The following ADGB variants were observed in gnomAD, a reference collection of about 807,000 sequenced individuals.
ADGB encodes calpain-7-like protein.
Under a neutral mutation model 210.5 loss-of-function variants are expected in ADGB, and 172 were observed. That is an observed-to-expected ratio of 0.82 (90% confidence interval 0.72 to 0.93). ADGB has a LOEUF of 0.93. ADGB is among the 40% of genes least tolerant of loss of function. The probability of loss-of-function intolerance (pLI) is 0.00; values close to 1 mark genes in which losing one functional copy is unlikely to be tolerated. For synonymous variants in ADGB, 658 were observed against 662.7 expected, an observed-to-expected ratio of 0.99 and a Z score of 0.11; for missense variants, 2,025 against 1,964.8, an observed-to-expected ratio of 1.03 and a Z score of -0.58.
chr6:146,774,806 A>T (rs879454834), intron 29 of ADGB, among the ~76,000 whole-genome samples: 1 of 152,146 alleles, frequency 6.6e-6, no homozygotes, highest in East Asian at 1.9e-4. Flanking sequence ...AAATTCAGTT[A>T]CTAATGTCTT....
At chr6:146,665,351 C>T (rs981036147) in intron 6 of ADGB, among the ~76,000 whole-genome samples, 6 of 152,072 alleles carry the variant, frequency 3.9e-5, no homozygotes, top group African/African-American at 1.4e-4. Context: ...CCTTACCAGC[C>T]CTCAGTTTTC....
chr6:146,739,364 T>C (rs1777129506), intron 23 of ADGB, among the ~76,000 whole-genome samples: 1 of 152,190 alleles, frequency 6.6e-6, no homozygotes, highest in African/African-American at 2.4e-5. Context: ...CTGTTAATAA[T>C]TAGGCCTGTA....
chr6:146,623,214 TA>T (rs917149536), intron 1 of ADGB, among the ~76,000 whole-genome samples: 89 of 151,952 alleles, frequency 5.9e-4, no homozygotes, highest in Non-Finnish European at 2.9e-4. Flanking sequence ...TTCTTTATAT[TA>T]AAAAAGCCTG....
Position 146,654,146 on chromosome 6 carries a change from T to C in ADGB, c.342T>C (p.Val114=). ...TATATTTTTTTCAGACTCCAGTAGT[T>C]GTGAAAAATGAAATCACGTTTGACT... The part of the protein sequence containing the change: ...QDILFSQTPV[V]VKNEITFDLF... Residue 114 remains valine (V), a synonymous_variant, in exon 4 of 36, where the codon GTT becomes GTC. Transcript: ENST00000397944. The C allele has an allele frequency of 6.5e-7, 1 of 1,537,454 alleles. No homozygotes were observed. The highest frequency in any genetic ancestry group is 8.8e-7 in the Non-Finnish European group (1 of 1,136,152).
intron 10 of ADGB, among the ~76,000 whole-genome samples, chr6:146,689,947 G>C (rs1386175281): frequency 1.3e-5 from 2 of 151,918 alleles, no homozygotes; most frequent in Non-Finnish European, 2.9e-5. Flanking sequence ...TATACCAAAG[G>C]GATAAAAAGA....
At chr6:146,680,915 T>C (rs1306271703) in intron 9 of ADGB, among the ~76,000 whole-genome samples, 1 of 152,114 alleles carries the variant, frequency 6.6e-6, no homozygotes, top group Non-Finnish European at 1.5e-5. Flanking sequence ...TTTTTATGCC[T>C]CCTATACTCT....
intron 1 of ADGB, among the ~76,000 whole-genome samples, chr6:146,603,538 A>T (rs537327564): frequency 9.9e-4 from 151 of 152,312 alleles, no homozygotes; most frequent in Non-Finnish European, 1.9e-3. Context: ...GGACATTCAA[A>T]CCAAGATTGA....
At chr6:146,655,323 A>T (rs1331433702) in intron 4 of ADGB, among the ~76,000 whole-genome samples, 1 of 152,134 alleles carries the variant, frequency 6.6e-6, no homozygotes, top group African/African-American at 2.4e-5. Flanking sequence ...TGCAAGGGAA[A>T]TTGGGGTGTA....
At chr6:146,806,288 C>A (rs1778210799) in intron 35 of ADGB, among the ~76,000 whole-genome samples, 1 of 152,130 alleles carries the variant, frequency 6.6e-6, no homozygotes, top group African/African-American at 2.4e-5. Context: ...TTAAGAGAAA[C>A]ATGATCAATA....
chr6:146,654,833 T>G (rs1463289688), intron 4 of ADGB, among the ~76,000 whole-genome samples: 1 of 152,094 alleles, frequency 6.6e-6, no homozygotes, highest in Non-Finnish European at 1.5e-5. Flanking sequence ...ACACTGAAGA[T>G]CTATTCTCTG....
At chr6:146,752,982 T>C (rs1383738121) in intron 27 of ADGB, among the ~76,000 whole-genome samples, 3 of 152,046 alleles carry the variant, frequency 2.0e-5, no homozygotes, top group Admixed American at 6.6e-5. Flanking sequence ...TTTTATTATT[T>C]TGAAAGAATA....
intron 17 of ADGB, among the ~76,000 whole-genome samples, chr6:146,722,682 C>T (rs1489162388): frequency 2.0e-5 from 3 of 152,134 alleles, no homozygotes; most frequent in African/African-American, 7.2e-5. Context: ...TCTTCAACAC[C>T]TACTCTTACT....
intron 29 of ADGB, among the ~76,000 whole-genome samples, chr6:146,771,443 A>C (rs1461176188): frequency 6.6e-6 from 1 of 151,740 alleles, no homozygotes; most frequent in Admixed American, 6.6e-5. Flanking sequence ...CTCTTTCTCT[A>C]TATGTTTTTC....
intron 1 of ADGB, among the ~76,000 whole-genome samples, chr6:146,616,912 T>C (rs1780809969): frequency 6.6e-6 from 1 of 152,136 alleles, no homozygotes; most frequent in Non-Finnish European, 1.5e-5. Flanking sequence ...CATTGAGGAT[T>C]GCTTTGGTTA....
chr6:146,671,671 G>A (rs987066331), intron 7 of ADGB, among the ~76,000 whole-genome samples: 2 of 152,070 alleles, frequency 1.3e-5, no homozygotes, highest in Admixed American at 6.6e-5. Context: ...ACCAAGAGGA[G>A]AGCTGTGGGA....
chr6:146,659,316 G>T (rs1016751670), intron 5 of ADGB, among the ~76,000 whole-genome samples: 8 of 152,130 alleles, frequency 5.3e-5, no homozygotes, highest in Non-Finnish European at 1.5e-5. Flanking sequence ...ATACACTACA[G>T]ATTCATCTTA....
At chr6:146,674,451 T>C (rs1776058876) in intron 8 of ADGB, among the ~76,000 whole-genome samples, 1 of 152,070 alleles carries the variant, frequency 6.6e-6, no homozygotes, top group South Asian at 2.1e-4. Flanking sequence ...ACACCCCAGC[T>C]ATAAGGGGAT....
intron 7 of ADGB, among the ~76,000 whole-genome samples, chr6:146,670,361 C>T (rs1775990876): frequency 6.6e-6 from 1 of 152,190 alleles, no homozygotes; most frequent in African/African-American, 2.4e-5. Flanking sequence ...ACATCAATGT[C>T]TTGGCAACCA....
At chr6:146,720,922 G>C (rs1032890522) in intron 16 of ADGB, among the ~76,000 whole-genome samples, 1 of 152,128 alleles carries the variant, frequency 6.6e-6, no homozygotes, top group African/African-American at 2.4e-5. Flanking sequence ...ACCACGACAG[G>C]TATATATCTG....
Sources: gnomAD v4.1 joint callset for allele counts (sites outside exome capture counted in the v4.1 genomes callset) on GRCh38, gnomAD v4.1.1 for gene constraint, MANE v1.5 for transcripts, NCBI Gene and HGNC (gene_info 2026-07-23, HGNC 2026-07-21) for gene names.